MED4: variants seen among roughly 807,000 people sequenced by gnomAD.
MED4 encodes the protein mediator of RNA polymerase II transcription subunit 4.
In MED4, 21 loss-of-function variants were observed where a neutral mutation model predicts 35.0. The observed-to-expected ratio is 0.60, with a 90% CI of 0.43 to 0.86. The LOEUF (loss-of-function observed/expected upper bound fraction) is 0.86, where lower values mean the gene tolerates loss of function less well. Ranked by LOEUF, MED4 falls within the 40% of genes least tolerant of loss-of-function variation. The pLI is 0.00. For synonymous variants in MED4, 138 were observed against 114.0 expected, an observed-to-expected ratio of 1.21 and a Z score of -1.34; for missense variants, 300 against 319.4, an observed-to-expected ratio of 0.94 and a Z score of 0.46.
intron 1 of MED4, among the ~76,000 whole-genome samples, chr13:48,094,677 C>CA (rs997500826): frequency 3.9e-5 from 6 of 152,168 alleles, no homozygotes; most frequent in Admixed American, 3.3e-4. Flanking sequence ...GCTGAGCCCC[C>CA]AAGGAGCGTT....
intron 2 of MED4, among the ~76,000 whole-genome samples, chr13:48,087,107 T>C (rs1950853927): frequency 6.6e-6 from 1 of 151,574 alleles, no homozygotes; most frequent in Non-Finnish European, 1.5e-5. Flanking sequence ...GGCTCACGCC[T>C]GTAATCCTAG....
At chr13:48,094,932 G>A (rs767637550) in intron 1 of MED4, 22 bp downstream of exon 1, 1 of 1,599,990 alleles carries the variant, frequency 6.3e-7, no homozygotes, top group South Asian at 1.1e-5. Context: ...CTCCAGCCCG[G>A]CTCTCAGGCT....
At position 48,083,446 on chromosome 13, in the gene MED4, T is replaced by TA. The variant is rs1950825369; in HGVS notation, c.364-19dup. ...GCTGTTGCCTAATTTAAACAACATT[T>TA]AAAAAACGTGGTTTATTCTTCAACT... On this transcript the variant is annotated intron_variant, in intron 3 of 6. Transcript: ENST00000258648. 4 of 1,607,346 alleles carry TA rather than the reference T, an allele frequency of 2.5e-6. No individual in the cohort carries two copies. Among genetic ancestry groups the TA allele is most frequent in the South Asian group, 2.2e-5 (2 of 89,802 alleles).
intron 1 of MED4, among the ~76,000 whole-genome samples, chr13:48,094,335 G>A (rs148515650): frequency 3.3e-5 from 5 of 152,224 alleles, no homozygotes; most frequent in African/African-American, 9.6e-5. Context: ...TATCATGAAA[G>A]GTGACAGAAT....
intron 2 of MED4, among the ~76,000 whole-genome samples, chr13:48,089,475 T>C (rs188174332): frequency 6.7e-4 from 102 of 152,326 alleles, no homozygotes; most frequent in Admixed American, 1.2e-3. Flanking sequence ...CTCATGCCTA[T>C]AGTCCCAGCA....
At chr13:48,084,724 G>A (rs371721846) in intron 3 of MED4, among the ~76,000 whole-genome samples, 4 of 151,960 alleles carry the variant, frequency 2.6e-5, no homozygotes, top group Non-Finnish European at 4.4e-5. Flanking sequence ...CATTCTTTCC[G>A]CAGCTGAACT....
chr13:48,080,004 A>C, intron 5 of MED4, 29 bp from the exon 6 acceptor site: 1 of 1,603,654 alleles, frequency 6.2e-7, no homozygotes, highest in Non-Finnish European at 8.5e-7. Flanking sequence ...CATTTAATTC[A>C]ATCATATTTT....
chr13:48,086,589 G>T, intron 2 of MED4, 137 bp from the exon 3 acceptor site: 1 of 677,390 alleles, frequency 1.5e-6, no homozygotes, highest in Non-Finnish European at 2.4e-6. Context: ...TTCTTGTTAA[G>T]AATAAAAAGA....
rs931539594 is a variant in MED4, at chr13:48,076,553, G to A, written c.*586C>T. The A allele has an allele frequency of 6.6e-6, 1 of 151,102 alleles. No homozygotes were observed. Among genetic ancestry groups the A allele is most frequent in the Non-Finnish European group, 1.5e-5 (1 of 67,974 alleles). 9.4% of individuals were successfully genotyped at this position (151,102 alleles called of 1,614,324 possible). A position where few individuals can be genotyped will look rare whatever the true frequency, so the allele number is the denominator to read the frequency against. ...AAATAATTTCCTACCTACACTGACA[G>A]TATATTTAAACTAAAAAAAAAGCAT... is the stretch of plus-strand genomic sequence containing the variant. On this transcript the variant is annotated 3_prime_UTR_variant, in exon 7 of 7. Coordinates refer to ENST00000258648, the MANE Select transcript of MED4 (RefSeq NM_014166.4).
chr13:48,094,285 C>T (rs1950909817), intron 1 of MED4, among the ~76,000 whole-genome samples: 1 of 152,082 alleles, frequency 6.6e-6, no homozygotes, highest in Non-Finnish European at 1.5e-5. Context: ...CCATCCAAGT[C>T]AATGGGAGGG....
intron 1 of MED4, among the ~76,000 whole-genome samples, chr13:48,090,997 C>T (rs1021263837): frequency 4.6e-5 from 7 of 152,154 alleles, no homozygotes; most frequent in African/African-American, 1.7e-4. Context: ...ACAGCAGAGA[C>T]TATATGGCCC....
chr13:48,090,101 T>A (rs548694756), intron 2 of MED4, among the ~76,000 whole-genome samples: 2 of 152,312 alleles, frequency 1.3e-5, no homozygotes, highest in East Asian at 1.9e-4. Flanking sequence ...TAAGTGTGAC[T>A]AGAATTGTAA....
chr13:48,086,085 A>G (rs1950846491), intron 3 of MED4, among the ~76,000 whole-genome samples, 197 bp downstream of exon 3: 1 of 152,228 alleles, frequency 6.6e-6, no homozygotes, highest in African/African-American at 2.4e-5. Flanking sequence ...AGTAATGCAG[A>G]CTATTTGAAA....
intron 3 of MED4, 39 bp downstream of exon 3, chr13:48,086,243 A>C: frequency 6.3e-7 from 1 of 1,581,402 alleles, no homozygotes. Flanking sequence ...ATTAAACAAC[A>C]TCCTTTTTAA....
At position 48,092,658 on chromosome 13, in the gene MED4, T is replaced by C. The variant is rs570102860; in HGVS notation, c.126-2240A>G. ...GAGAAACATGGACAGATTTCAGATA[T>C]CTTTTGGAGGTAGAGCTAACAGGAC... On this transcript the variant is annotated intron_variant, in intron 1 of 6. Transcript: ENST00000258648. 3.9e-5 allele frequency among the ~76,000 whole-genome samples: 6 copies of C among 152,310 alleles called. No homozygotes were observed. In the South Asian group the frequency reaches 1.2e-3, roughly 32 times the overall value.
intron 1 of MED4, among the ~76,000 whole-genome samples, chr13:48,094,743 T>C (rs552664475): frequency 1.3e-5 from 2 of 151,914 alleles, no homozygotes; most frequent in Admixed American, 6.5e-5. Context: ...CGCGAGTTCT[T>C]ATCATTACTA....
At position 48,076,796 on chromosome 13, in the gene MED4, A is replaced by G. The variant is rs775242716; in HGVS notation, c.*343T>C. On this transcript the variant is annotated 3_prime_UTR_variant, in exon 7 of 7. Transcript: ENST00000258648. The stretch of plus-strand genomic sequence containing the variant: ...AATAATTCCAAGAAGCCTATTAGTG[A>G]TATGTATATGGATAATTTCCCTCAA... 4 of 169,182 alleles carry G rather than the reference A, an allele frequency of 2.4e-5. No homozygotes were observed. The highest frequency in any genetic ancestry group is 2.5e-5 in the Non-Finnish European group (2 of 79,750). The allele number at this position is 169,182 out of a possible 1,614,324, so 10.5% of individuals were successfully genotyped here.
At chr13:48,080,044 A>G in intron 5 of MED4, 69 bp from the exon 6 acceptor site, 1 of 1,537,324 alleles carries the variant, frequency 6.5e-7, no homozygotes, top group Non-Finnish European at 8.9e-7. Context: ...GTTATTTGAC[A>G]TACTCATTTT....
At chr13:48,080,419 G>C (rs987635577) in intron 5 of MED4, among the ~76,000 whole-genome samples, 5 of 98,340 alleles carry the variant, frequency 5.1e-5, no homozygotes, top group Admixed American at 2.1e-4. Context: ...AAAAAAAAAA[G>C]AAAGAAAGAA....
Sources: allele counts gnomAD v4.1 joint callset (sites outside exome capture counted in the v4.1 genomes callset), GRCh38; gene constraint gnomAD v4.1.1; transcripts MANE v1.5; gene names NCBI Gene and HGNC (gene_info 2026-07-23, HGNC 2026-07-21).